SPIRE1: variants seen among roughly 807,000 people sequenced by gnomAD.
SPIRE1 encodes the protein protein spire homolog 1.
Under a neutral mutation model 94.1 loss-of-function variants are expected in SPIRE1, and 40 were observed. That is an observed-to-expected ratio of 0.43 (90% CI 0.33 to 0.55). The LOEUF is 0.55. Ranked by LOEUF, SPIRE1 falls within the 20% of genes least tolerant of loss-of-function variation. The pLI, the probability that SPIRE1 is intolerant of heterozygous loss-of-function variation, is 0.06. For synonymous variants in SPIRE1, 376 were observed against 371.7 expected (o/e 1.01, Z -0.13); for missense variants, 838 against 975.2 (o/e 0.86, Z 1.87).
At chr18:12,497,595 GGCCCAGA>G (rs2033505620) in intron 6 of SPIRE1, among the ~76,000 whole-genome samples, 2 of 152,044 alleles carry the variant, frequency 1.3e-5, no homozygotes. Context: ...AGGGCAGGAT[GGCCCAGA>G]GCAAGCTTCA....
intron 4 of SPIRE1, among the ~76,000 whole-genome samples, chr18:12,520,217 T>C (rs1293770304): frequency 2.0e-5 from 3 of 152,186 alleles, no homozygotes; most frequent in Non-Finnish European, 4.4e-5. Flanking sequence ...TAGTTATACA[T>C]AAAATCTCTC....
intron 2 of SPIRE1, among the ~76,000 whole-genome samples, chr18:12,551,704 A>G (rs1253111319): frequency 6.9e-6 from 1 of 145,244 alleles, no homozygotes; most frequent in South Asian, 2.2e-4. Flanking sequence ...TCCGTCTCAG[A>G]AAAAAAAAAA....
chr18:12,511,296 C>G (rs2034028365), intron 5 of SPIRE1, among the ~76,000 whole-genome samples: 11 of 152,184 alleles, frequency 7.2e-5, no homozygotes, highest in Admixed American at 5.9e-4. Context: ...GGTGGATGAG[C>G]AAGCGTTATG....
chr18:12,557,769 C>T (rs550982596), intron 2 of SPIRE1, among the ~76,000 whole-genome samples: 10 of 151,834 alleles, frequency 6.6e-5, no homozygotes, highest in African/African-American at 2.2e-4. Context: ...AACTATATTA[C>T]ACTACAAAGC....
intron 2 of SPIRE1, among the ~76,000 whole-genome samples, chr18:12,558,041 C>A (rs11080583): frequency 0.34 from 51,542 of 152,048 alleles, 10,227 homozygotes; most frequent in East Asian, 0.58. Flanking sequence ...GGATTAAAGA[C>A]TTAAATGTAA....
intron 3 of SPIRE1, among the ~76,000 whole-genome samples, chr18:12,546,317 A>T (rs1598455826): frequency 6.6e-6 from 1 of 151,966 alleles, no homozygotes; most frequent in East Asian, 1.9e-4. Flanking sequence ...AAATGTAGAT[A>T]TGTGTCAACC....
Position 12,495,998 on chromosome 18 carries a change from C to A in SPIRE1, c.1059+18G>T, listed in dbSNP as rs1254858872. The A allele has an allele frequency of 6.4e-7, 1 of 1,552,640 alleles. No individual in the cohort carries two copies. Among genetic ancestry groups the A allele is most frequent in the Admixed American group, 1.7e-5 (1 of 59,934 alleles). ...ATTATGATATCTCCAATCTAGAGAACTATGTCGAATTACATACTGGATTTA... is the reference window on the plus strand; with the variant it reads ...ATTATGATATCTCCAATCTAGAGAAATATGTCGAATTACATACTGGATTTA... On this transcript the variant is annotated intron_variant, in intron 7 of 16. Transcript: ENST00000409402.
chr18:12,500,934 T>C (rs184867366), intron 6 of SPIRE1, among the ~76,000 whole-genome samples: 80 of 151,208 alleles, frequency 5.3e-4, no homozygotes, highest in Middle Eastern at 7.0e-3. Context: ...TAGCTGGGTG[T>C]GGTGGTGCAT....
At chr18:12,551,971 T>C (rs2035363327) in intron 2 of SPIRE1, among the ~76,000 whole-genome samples, 1 of 152,168 alleles carries the variant, frequency 6.6e-6, no homozygotes, top group South Asian at 2.1e-4. Flanking sequence ...ATCTGTGTGC[T>C]TGGGAAAAGA....
At chr18:12,504,438 T>C (rs544966361) in intron 6 of SPIRE1, among the ~76,000 whole-genome samples, 74 of 151,946 alleles carry the variant, frequency 4.9e-4, no homozygotes, top group Non-Finnish European at 9.4e-4. Context: ...ACCTGGGAGG[T>C]GGAGGTTGCA....
chr18:12,657,646 C>T lies in SPIRE1; in HGVS notation c.221G>A (p.Arg74His). ...QCCGSLRAAA[R>H]RRQPRHRVRS... ...CACACGGTGGCGGGGCTGGCGGCGG[C>T]GGGCGGCGGCGCGCAGGGAACCGCA... The change falls in exon 1 of 17, where the codon CGC becomes CAC. Residue 74 changes from arginine (R) to histidine (H), a missense_variant. Physicochemically the swap from Arg to His is conservative, Grantham distance 29 (BLOSUM62 0). Coordinates refer to ENST00000409402, the MANE Select transcript of SPIRE1 (RefSeq NM_001128626.2). The T allele has an allele frequency of 1.5e-6, 2 of 1,317,902 alleles. No homozygotes were observed. The highest frequency in any genetic ancestry group is 1.9e-6 in the Non-Finnish European group (2 of 1,032,696). 81.6% of individuals were successfully genotyped at this position (1,317,902 alleles called of 1,614,324 possible). A position where few individuals can be genotyped will look rare whatever the true frequency, so the allele number is the denominator to read the frequency against.
chr18:12,480,637 G>A (rs1294408046), intron 9 of SPIRE1, among the ~76,000 whole-genome samples: 2 of 152,110 alleles, frequency 1.3e-5, no homozygotes, highest in Non-Finnish European at 2.9e-5. Context: ...ATCTCTATTG[G>A]TGAATAAATA....
intron 6 of SPIRE1, among the ~76,000 whole-genome samples, chr18:12,496,417 C>T (rs182504042): frequency 4.7e-4 from 72 of 152,166 alleles, no homozygotes; most frequent in African/African-American, 1.7e-3. Flanking sequence ...AACTTTTTAC[C>T]TCTTATTTTC....
chr18:12,485,444 T>C (rs1232327653), intron 9 of SPIRE1, among the ~76,000 whole-genome samples: 1 of 152,240 alleles, frequency 6.6e-6, no homozygotes, highest in Non-Finnish European at 1.5e-5. Flanking sequence ...AAGTCATTCA[T>C]GACTAGGCTC....
At chr18:12,617,217 T>C (rs540472384) in intron 2 of SPIRE1, among the ~76,000 whole-genome samples, 2 of 147,670 alleles carry the variant, frequency 1.4e-5, no homozygotes, top group East Asian at 4.0e-4. Flanking sequence ...TGGAGTGCAG[T>C]GGTGCGATCT....
At chr18:12,525,287 A>AT (rs1555619662) in intron 4 of SPIRE1, among the ~76,000 whole-genome samples, 276 of 146,526 alleles carry the variant, frequency 1.9e-3, no homozygotes, top group African/African-American at 6.6e-3. Flanking sequence ...AAAAAAAAAA[A>AT]AAAAAAAAAA....
At chr18:12,619,400 C>T (rs1042394390) in intron 2 of SPIRE1, among the ~76,000 whole-genome samples, 2 of 151,744 alleles carry the variant, frequency 1.3e-5, no homozygotes, top group African/African-American at 4.8e-5. Flanking sequence ...CCCAGCTACT[C>T]GGGAGGCTGA....
chr18:12,470,575 AG>A (rs2032315610), intron 10 of SPIRE1, among the ~76,000 whole-genome samples: 1 of 152,186 alleles, frequency 6.6e-6, no homozygotes, highest in African/African-American at 2.4e-5. Flanking sequence ...AAGGAGAGCC[AG>A]GGAACTGTTA....
intron 2 of SPIRE1, among the ~76,000 whole-genome samples, chr18:12,594,975 T>C (rs2144606688): frequency 6.6e-6 from 1 of 152,326 alleles, no homozygotes; most frequent in Non-Finnish European, 1.5e-5. Flanking sequence ...TTCTTTACTC[T>C]AGCTTACTTT....
Sources: gnomAD v4.1 joint callset for allele counts (sites outside exome capture counted in the v4.1 genomes callset) on GRCh38, gnomAD v4.1.1 for gene constraint, MANE v1.5 for transcripts, NCBI Gene and HGNC (gene_info 2026-07-23, HGNC 2026-07-21) for gene names.